Variants in ZC4H2 observed in about 807,000 individuals in gnomAD.
ZC4H2 encodes the protein zinc finger C4H2-type containing.
For synonymous variants in ZC4H2, 84 were observed against 66.3 expected (o/e 1.27, Z -1.30); for missense variants, 137 against 173.9 (o/e 0.79, Z 1.19).
chrX:64,986,990 C>CGAT (rs1484669482), intron 1 of ZC4H2, among the ~76,000 whole-genome samples: 1 of 100,478 alleles, frequency 1.0e-5, no homozygotes, highest in African/African-American at 3.8e-5. Flanking sequence ...TGCAGTGGCG[C>CGAT]GATCTAGGCA....
chrX:65,032,461 A>G (rs1932944122), intron 1 of ZC4H2, among the ~76,000 whole-genome samples: 1 of 111,863 alleles, frequency 8.9e-6, no homozygotes, highest in South Asian at 3.7e-4. Context: ...TCCATACGGA[A>G]GGAAAGGTAT....
chrX:64,935,149 G>A (rs760897711), intron 1 of ZC4H2, among the ~76,000 whole-genome samples: 1 of 111,394 alleles, frequency 9.0e-6, no homozygotes, highest in South Asian at 3.8e-4. Flanking sequence ...GGGAGGAGGG[G>A]CGTCCGCCAT....
intron 1 of ZC4H2, among the ~76,000 whole-genome samples, chrX:65,034,086 C>CA (rs768065058): frequency 0.085 from 3,803 of 44,952 alleles, 120 homozygotes; most frequent in Admixed American, 0.18. Context: ...AAGACTTTGT[C>CA]AAAAAAAAAA....
intron 1 of ZC4H2, among the ~76,000 whole-genome samples, chrX:64,974,248 T>A (rs1931871468): frequency 8.9e-6 from 1 of 112,181 alleles, no homozygotes; most frequent in Admixed American, 9.4e-5. Context: ...GTTCTAAAAA[T>A]GTCACTTTGT....
intron 1 of ZC4H2, among the ~76,000 whole-genome samples, chrX:64,950,825 C>A (rs922086301): frequency 1.8e-5 from 2 of 110,186 alleles, no homozygotes; most frequent in East Asian, 5.7e-4. Flanking sequence ...TATTATTATA[C>A]TTTAAGGTTT....
chrX:64,952,120 G>C (rs972348147), intron 1 of ZC4H2, among the ~76,000 whole-genome samples: 2 of 110,400 alleles, frequency 1.8e-5, no homozygotes, highest in Non-Finnish European at 3.8e-5. Flanking sequence ...TAGACATGTG[G>C]CGTTATTTCT....
At chrX:65,000,617 G>A (rs1932516972) in intron 1 of ZC4H2, among the ~76,000 whole-genome samples, 1 of 111,811 alleles carries the variant, frequency 8.9e-6, no homozygotes. Flanking sequence ...GCTTCAGAAG[G>A]TGGGTAACAA....
intron 1 of ZC4H2, among the ~76,000 whole-genome samples, chrX:65,002,229 G>A (rs781117527): frequency 8.9e-6 from 1 of 112,260 alleles, no homozygotes; most frequent in Non-Finnish European, 1.9e-5. Flanking sequence ...CAAAAGAATG[G>A]AAATCATAAC....
chrX:64,924,756 G>A (rs1303514602), intron 1 of ZC4H2, among the ~76,000 whole-genome samples: 2 of 110,912 alleles, frequency 1.8e-5, no homozygotes, highest in Non-Finnish European at 3.8e-5. Flanking sequence ...AGAAGAATAT[G>A]GCACATTAAA....
rs1371251529 is a variant in ZC4H2 at position 64,916,994 on chromosome X, C to A, written c.*789G>T. On this transcript the variant is annotated 3_prime_UTR_variant, in exon 5 of 5. Transcript: ENST00000374839. ...GGGCACTCTCAGCCTAAGGAAGCCC[C>A]TACAGCCGAGCCCTCAGCCCTAATG... 2 of 112,284 alleles carry A rather than the reference C, an allele frequency of 1.8e-5. No homozygotes were observed. The highest frequency in any genetic ancestry group is 3.8e-5 in the Non-Finnish European group (2 of 53,229). The allele number at this position is 112,284 out of a possible 1,213,427, so 9.3% of individuals were successfully genotyped here. A position where few individuals can be genotyped will look rare whatever the true frequency, so the allele number is the denominator to read the frequency against.
chrX:64,917,981 A>G (rs1434661435), intron 4 of ZC4H2, 85 bp from the exon 5 acceptor site: 4 of 1,052,675 alleles, frequency 3.8e-6, no homozygotes, highest in Non-Finnish European at 5.1e-6. Flanking sequence ...AGGGGCCCAG[A>G]AAGCAAAGTG....
intron 1 of ZC4H2, among the ~76,000 whole-genome samples, chrX:64,991,637 A>T (rs1262653650): frequency 1.8e-5 from 2 of 111,858 alleles, no homozygotes; most frequent in Non-Finnish European, 3.8e-5. Flanking sequence ...TTAAACATAG[A>T]ATTACCCATA....
chrX:64,967,210 CTA>C (rs1569219112), intron 1 of ZC4H2, among the ~76,000 whole-genome samples: 1 of 111,518 alleles, frequency 9.0e-6, no homozygotes, highest in Non-Finnish European at 1.9e-5. Flanking sequence ...ATTGCCTTTA[CTA>C]TGGTCTTCAG....
At chrX:65,011,186 C>T (rs1175019532) in intron 1 of ZC4H2, among the ~76,000 whole-genome samples, 3 of 112,175 alleles carry the variant, frequency 2.7e-5, no homozygotes, top group Admixed American at 1.9e-4. Flanking sequence ...TTGTTCCTCA[C>T]TATAATTCTA....
intron 1 of ZC4H2, among the ~76,000 whole-genome samples, chrX:64,966,401 A>G (rs967174499): frequency 8.9e-6 from 1 of 112,621 alleles, no homozygotes; most frequent in Non-Finnish European, 1.9e-5. Flanking sequence ...GTATCTTAAA[A>G]AGTTATACAT....
chrX:64,922,197 G>T, intron 1 of ZC4H2: 1 of 911,834 alleles, frequency 1.1e-6, no homozygotes, highest in Non-Finnish European at 1.4e-6. Flanking sequence ...GATCACTTGA[G>T]CCCAGGAGTT....
intron 1 of ZC4H2, among the ~76,000 whole-genome samples, chrX:65,014,972 G>A (rs1932787969): frequency 9.0e-6 from 1 of 111,727 alleles, no homozygotes; most frequent in Admixed American, 9.5e-5. Context: ...CTAATTGTGA[G>A]TAATGGCTGT....
At chrX:64,952,700 A>T (rs146563380) in intron 1 of ZC4H2, among the ~76,000 whole-genome samples, 9,064 of 109,926 alleles carry the variant, frequency 0.082, 1,031 homozygotes, top group African/African-American at 0.29. Flanking sequence ...CATTCCATGC[A>T]CATGGATAGC....
intron 1 of ZC4H2, among the ~76,000 whole-genome samples, chrX:64,983,072 G>A (rs1479235312): frequency 9.0e-6 from 1 of 111,159 alleles, no homozygotes; most frequent in Admixed American, 9.6e-5. Context: ...TTCCCAGATA[G>A]CCCTTCCTTT....
Sources: gnomAD v4.1 joint callset for allele counts (sites outside exome capture counted in the v4.1 genomes callset) on GRCh38, gnomAD v4.1.1 for gene constraint, MANE v1.5 for transcripts, NCBI Gene and HGNC (gene_info 2026-07-23, HGNC 2026-07-21) for gene names.